COL22A1: variants seen among roughly 807,000 people sequenced by gnomAD.
The protein encoded by COL22A1 is collagen alpha-1(XXII) chain.
In COL22A1, 221 loss-of-function variants were observed where a neutral mutation model predicts 248.9. That is an observed-to-expected ratio of 0.89 (90% CI 0.80 to 0.99). The LOEUF is 0.99. Ranked by LOEUF, COL22A1 falls within the 50% of genes least tolerant of loss-of-function variation. COL22A1 has a pLI of 0.00. For synonymous variants in COL22A1, 891 were observed against 793.4 expected (o/e 1.12, Z -2.07); for missense variants, 2,240 against 2,179.0 (o/e 1.03, Z -0.56).
At chr8:138,676,686 G>T in intron 40 of COL22A1, 51 bp from the exon 41 acceptor site, 1 of 1,296,332 alleles carries the variant, frequency 7.7e-7, no homozygotes, top group Non-Finnish European at 1.1e-6. Context: ...GGAAGGAGAG[G>T]GCTAGGGTAC....
chr8:138,838,061 G>A (rs995887948), intron 4 of COL22A1, among the ~76,000 whole-genome samples: 1 of 152,148 alleles, frequency 6.6e-6, no homozygotes, highest in African/African-American at 2.4e-5. Context: ...AATTGAGGCA[G>A]CAGAAGCAGT....
chr8:138,619,391 G>T (rs2131931238), intron 53 of COL22A1, 64 bp downstream of exon 53: 1 of 1,460,908 alleles, frequency 6.8e-7, no homozygotes, highest in Non-Finnish European at 9.6e-7. Context: ...CCTGCTCACA[G>T]TGGTGAGAGC....
chr8:138,595,564 C>T (rs1410871817), intron 62 of COL22A1, among the ~76,000 whole-genome samples: 2 of 152,162 alleles, frequency 1.3e-5, no homozygotes, highest in African/African-American at 4.8e-5. Context: ...CTCATCGCCT[C>T]CTTCTCCCAC....
At chr8:138,873,603 T>C (rs7823737) in intron 3 of COL22A1, among the ~76,000 whole-genome samples, 122,621 of 152,112 alleles carry the variant, frequency 0.81, 49,500 homozygotes, top group East Asian at 0.87. Flanking sequence ...AAATTACACA[T>C]TCCGTTGTGT....
In COL22A1 at chr8:138,612,745, G is replaced by A. The variant is rs535353781; in HGVS notation, c.3978+1122C>T. Among the ~76,000 whole-genome samples, 15 of 151,686 alleles carry A rather than the reference G, an allele frequency of 9.9e-5. No homozygotes were observed. In the South Asian group the frequency reaches 3.1e-3, roughly 32 times the overall value. On this transcript the variant is annotated intron_variant, in intron 56 of 64. Transcript: ENST00000303045. ...AGTTCGAAACCAGCCTGGCCAACGTGGCAAAACCCCATCTCTACTAAAAAT... is the reference window on the plus strand; with the variant it reads ...AGTTCGAAACCAGCCTGGCCAACGTAGCAAAACCCCATCTCTACTAAAAAT...
At chr8:138,775,224 G>A (rs1814314183) in intron 16 of COL22A1, among the ~76,000 whole-genome samples, 2 of 152,192 alleles carry the variant, frequency 1.3e-5, no homozygotes, top group Non-Finnish European at 2.9e-5. Context: ...AATGGGGCTG[G>A]GAAGAGTACA....
intron 3 of COL22A1, among the ~76,000 whole-genome samples, chr8:138,868,938 G>A (rs1022715252): frequency 2.0e-5 from 3 of 152,104 alleles, no homozygotes; most frequent in Admixed American, 6.5e-5. Flanking sequence ...CACCATATTG[G>A]TCAGGCTGAT....
At chr8:138,870,532 CTAGA>C (rs1386099099) in intron 3 of COL22A1, among the ~76,000 whole-genome samples, 2 of 150,278 alleles carry the variant, frequency 1.3e-5, no homozygotes, top group East Asian at 2.0e-4. Flanking sequence ...GCACATGTGC[CTAGA>C]TATAGACTGT....
chr8:138,669,015 C>G (rs1406505777), intron 41 of COL22A1, among the ~76,000 whole-genome samples: 2 of 152,166 alleles, frequency 1.3e-5, no homozygotes, highest in Non-Finnish European at 2.9e-5. Context: ...ACTCTGTGCT[C>G]AGAGAGCAGC....
At chr8:138,739,530 G>A (rs764964847) in intron 22 of COL22A1, among the ~76,000 whole-genome samples, 13 of 152,164 alleles carry the variant, frequency 8.5e-5, no homozygotes, top group Non-Finnish European at 1.5e-4. Context: ...CACCATTGGC[G>A]TTTGTGCTTA....
At chr8:138,774,967 T>G (rs1814286440) in intron 16 of COL22A1, among the ~76,000 whole-genome samples, 1 of 152,228 alleles carries the variant, frequency 6.6e-6, no homozygotes, top group East Asian at 1.9e-4. Context: ...AAGGGAAATA[T>G]GCCTACGTGC....
chr8:138,753,545 C>T (rs184616201), intron 21 of COL22A1, among the ~76,000 whole-genome samples: 6 of 152,354 alleles, frequency 3.9e-5, no homozygotes, highest in Admixed American at 6.5e-5. Flanking sequence ...TCCGCATGTC[C>T]TGTCTAATGG....
At chr8:138,623,815 G>A (rs756170212) in intron 51 of COL22A1, 30 bp from the exon 52 acceptor site, 6 of 1,597,908 alleles carry the variant, frequency 3.8e-6, no homozygotes, top group Non-Finnish European at 5.1e-6. Flanking sequence ...TGGTTATCAG[G>A]TCAAAGAAGA....
intron 16 of COL22A1, among the ~76,000 whole-genome samples, chr8:138,765,366 G>A (rs1833834418): frequency 6.6e-6 from 1 of 152,162 alleles, no homozygotes; most frequent in African/African-American, 2.4e-5. Flanking sequence ...GAGCCCTAGG[G>A]TGCACCTTGT....
chr8:138,593,105 A>G (rs2131780977), intron 63 of COL22A1, among the ~76,000 whole-genome samples: 1 of 152,294 alleles, frequency 6.6e-6, no homozygotes, highest in South Asian at 2.1e-4. Context: ...TTCTCAGCAA[A>G]CTAACACAGG....
rs1160108321 is a variant in COL22A1, at chr8:138,652,813, C to G, written c.3334-3035G>C. Among the ~76,000 whole-genome samples, 16 of 117,446 alleles carry G rather than the reference C, an allele frequency of 1.4e-4. No homozygotes were observed. In the Admixed American group the frequency reaches 1.9e-3, roughly 14 times the overall value. 77.0% of individuals were successfully genotyped at this position (117,446 alleles called of 152,430 possible). A position where few individuals can be genotyped will look rare whatever the true frequency, so the allele number is the denominator to read the frequency against. ...CCAGCTTGGAGTGCAGTGGTGTGAT[C>G]TAGGCTCACTGCAGCCTCCGCCTCC... On this transcript the variant is annotated intron_variant, in intron 45 of 64. Coordinates refer to ENST00000303045, the MANE Select transcript of COL22A1 (RefSeq NM_152888.3).
chr8:138,613,956 G>C, intron 55 of COL22A1, 36 bp from the exon 56 acceptor site: 1 of 1,535,534 alleles, frequency 6.5e-7, no homozygotes, highest in South Asian at 1.1e-5. Flanking sequence ...TCATCATCAA[G>C]TCACTGTGTG....
At chr8:138,688,835 C>T (rs547325806) in intron 37 of COL22A1, 82 bp downstream of exon 37, 75 of 1,219,502 alleles carry the variant, frequency 6.2e-5, no homozygotes, top group South Asian at 1.2e-4. Context: ...AAACCAGGCC[C>T]GAGCAGAGTG....
intron 50 of COL22A1, among the ~76,000 whole-genome samples, chr8:138,628,820 C>T (rs554805417): frequency 2.1e-5 from 3 of 141,356 alleles, no homozygotes; most frequent in Admixed American, 7.4e-5. Context: ...GGCTGGAGTG[C>T]GGTGGCGCAA....
Sources: allele counts gnomAD v4.1 joint callset (sites outside exome capture counted in the v4.1 genomes callset), GRCh38; gene constraint gnomAD v4.1.1; transcripts MANE v1.5; gene names NCBI Gene and HGNC (gene_info 2026-07-23, HGNC 2026-07-21).